The following SCP2 variants were observed in gnomAD, a reference collection of about 807,000 sequenced individuals.
The protein encoded by SCP2 is sterol carrier protein 2.
In SCP2, 48 loss-of-function variants were observed where a neutral mutation model predicts 71.4. That is an observed-to-expected ratio of 0.67 (90% CI 0.53 to 0.86). The LOEUF is 0.86. Ranked by LOEUF, SCP2 falls within the 40% of genes least tolerant of loss-of-function variation. The pLI is 0.00. For synonymous variants in SCP2, 220 were observed against 218.1 expected, an observed-to-expected ratio of 1.01 and a Z score of -0.08; for missense variants, 560 against 655.6, an observed-to-expected ratio of 0.85 and a Z score of 1.59.
rs186677166 is a variant in SCP2 at position 52,984,405 on chromosome 1, A to G, written c.974-3624A>G. Reference sequence around the variant, plus strand: ...TCCTCAGGCAGTTTTTTTTATTTTTATTTTTATATCCAGTGTTTTCAGTTG... The same window carrying G: ...TCCTCAGGCAGTTTTTTTTATTTTTGTTTTTATATCCAGTGTTTTCAGTTG... On this transcript the variant is annotated intron_variant, in intron 10 of 15. Coordinates refer to ENST00000371514, the MANE Select transcript of SCP2 (RefSeq NM_002979.5). Among the ~76,000 whole-genome samples, 144 of 152,104 alleles carry G rather than the reference A, an allele frequency of 9.5e-4. 1 individual carries two copies. The highest frequency in any genetic ancestry group is 6.8e-3 in the Middle Eastern group (2 of 294).
intron 13 of SCP2, among the ~76,000 whole-genome samples, chr1:53,028,868 C>T (rs774538204): frequency 3.3e-5 from 5 of 151,986 alleles, no homozygotes; most frequent in Non-Finnish European, 5.9e-5. Flanking sequence ...CTTCACCTCC[C>T]GGGTTCAAGT....
intron 11 of SCP2, among the ~76,000 whole-genome samples, chr1:53,007,716 A>T (rs1197155338): frequency 2.0e-5 from 3 of 152,222 alleles, no homozygotes; most frequent in East Asian, 1.9e-4. Flanking sequence ...CAATTAAAAG[A>T]ACTAGAGAAG....
Position 52,982,398 on chromosome 1 carries a change from C to G in SCP2, c.973+1855C>G, listed in dbSNP as rs762415107. Among the ~76,000 whole-genome samples the G allele has an allele frequency of 1.1e-4, 17 of 151,892 alleles. No individual in the cohort carries two copies. The East Asian group carries it at 1.4e-3, about 12-fold the overall frequency. On this transcript the variant is annotated intron_variant, in intron 10 of 15. Transcript: ENST00000371514. ...ATCCTGGCTAACACGGTGAAACCCC[C>G]TCTCTACTAAAAATACAAAAAATTA...
At chr1:52,961,743 A>G (rs1656469669) in intron 6 of SCP2, 114 bp downstream of exon 6, 2 of 952,132 alleles carry the variant, frequency 2.1e-6, no homozygotes, top group East Asian at 2.6e-5. Context: ...AAGATGTAAA[A>G]TGTTTTTTGA....
chr1:52,973,803 T>C (rs1657707952), intron 6 of SCP2, among the ~76,000 whole-genome samples: 2 of 152,192 alleles, frequency 1.3e-5, no homozygotes, highest in African/African-American at 4.8e-5. Context: ...AGTCTCACCA[T>C]GTTGACTAGT....
chr1:52,942,111 A>G (rs931230754), intron 2 of SCP2, among the ~76,000 whole-genome samples: 1 of 152,152 alleles, frequency 6.6e-6, no homozygotes, highest in African/African-American at 2.4e-5. Context: ...GATCTGTGGG[A>G]GAGAGAGGTA....
chr1:52,990,269 A>AAC (rs58637241), intron 11 of SCP2, among the ~76,000 whole-genome samples: 4 of 96,428 alleles, frequency 4.1e-5, no homozygotes, highest in African/African-American at 3.9e-4. Context: ...AGTTTTCAAC[A>AAC]AAAAAAAAGA....
rs1320085692 is a variant in SCP2, at chr1:53,038,210, C to T, written c.1339-707C>T. 4.9e-5 allele frequency among the ~76,000 whole-genome samples: 7 copies of T among 142,778 alleles called. No individual in the cohort carries two copies. The East Asian group carries it at 1.0e-3, about 21-fold the overall frequency. 93.7% of individuals were successfully genotyped at this position (142,778 alleles called of 152,430 possible). A position where few individuals can be genotyped will look rare whatever the true frequency, so the allele number is the denominator to read the frequency against. ...AATTTATATGTGTTTATATATATAC[C>T]ATTTATACGCTTATATATATATGTC... On this transcript the variant is annotated intron_variant, in intron 13 of 15. Transcript: ENST00000371514.
At chr1:53,038,819 G>C in intron 13 of SCP2, 98 bp from the exon 14 acceptor site, 2 of 1,485,166 alleles carry the variant, frequency 1.3e-6, no homozygotes, top group Non-Finnish European at 1.9e-6. Flanking sequence ...TCCCTGGCCC[G>C]TATACTCATA....
intron 1 of SCP2, among the ~76,000 whole-genome samples, chr1:52,933,509 T>C (rs1458383956): frequency 6.6e-6 from 1 of 152,228 alleles, no homozygotes; most frequent in Non-Finnish European, 1.5e-5. Context: ...CAACTAATTA[T>C]AGTCTTTGGA....
chr1:53,037,254 A>G (rs1262006825), intron 13 of SCP2, among the ~76,000 whole-genome samples: 2 of 152,084 alleles, frequency 1.3e-5, no homozygotes, highest in South Asian at 4.2e-4. Context: ...TTTTTTTTCA[A>G]TAAAATTATT....
chr1:53,024,204 T>C (rs1407698873), intron 12 of SCP2, among the ~76,000 whole-genome samples: 1 of 152,132 alleles, frequency 6.6e-6, no homozygotes, highest in Non-Finnish European at 1.5e-5. Context: ...AAAAGACAAA[T>C]ACTATATGAT....
At chr1:52,981,812 C>A (rs1352986789) in intron 10 of SCP2, among the ~76,000 whole-genome samples, 1 of 150,294 alleles carries the variant, frequency 6.7e-6, no homozygotes, top group Admixed American at 6.6e-5. Context: ...AAAATATATA[C>A]TAGAAAATTT....
chr1:52,934,636 G>A (rs1653516117), intron 1 of SCP2, among the ~76,000 whole-genome samples: 1 of 48,194 alleles, frequency 2.1e-5, no homozygotes, highest in African/African-American at 6.9e-5. Flanking sequence ...TTTTTGAGAC[G>A]GAGTCTCTCT....
intron 12 of SCP2, among the ~76,000 whole-genome samples, chr1:53,024,897 T>C (rs1662012608): frequency 6.6e-6 from 1 of 151,952 alleles, no homozygotes; most frequent in Non-Finnish European, 1.5e-5. Context: ...CTTTAAGAGA[T>C]TAGTGAAAAT....
chr1:52,963,527 G>A (rs1020079171), intron 6 of SCP2: 2 of 152,094 alleles, frequency 1.3e-5, no homozygotes, highest in Non-Finnish European at 2.9e-5. Flanking sequence ...TATACCAGAA[G>A]AATCTGATAT....
chr1:52,960,586 A>ATGTATATGTATATATGTATG (rs1656299293), intron 5 of SCP2, among the ~76,000 whole-genome samples: 1 of 145,138 alleles, frequency 6.9e-6, no homozygotes, highest in South Asian at 2.1e-4. Context: ...GTATATATGT[A>ATGTATATGTATATATGTATG]TGTATATGTA....
chr1:52,947,300 T>G (rs149638808), intron 2 of SCP2, among the ~76,000 whole-genome samples: 1 of 149,272 alleles, frequency 6.7e-6, no homozygotes, highest in East Asian at 2.0e-4. Context: ...TTCTCAGGCC[T>G]GTTCCCCATG....
chr1:52,931,908 A>G (rs1041769376), intron 1 of SCP2, among the ~76,000 whole-genome samples: 1 of 152,280 alleles, frequency 6.6e-6, no homozygotes, highest in East Asian at 1.9e-4. Flanking sequence ...AAGTGAAAAT[A>G]TTACATCTCT....
Sources: allele counts gnomAD v4.1 joint callset (sites outside exome capture counted in the v4.1 genomes callset), GRCh38; gene constraint gnomAD v4.1.1; transcripts MANE v1.5; gene names NCBI Gene and HGNC (gene_info 2026-07-23, HGNC 2026-07-21).